Variants in UBOX5 observed in about 807,000 individuals in gnomAD.
UBOX5 encodes RING finger protein 37.
A neutral mutation model predicts 39.0 loss-of-function variants in UBOX5; 28 were observed. That is an observed-to-expected ratio of 0.72 (90% CI 0.53 to 0.98). UBOX5 has a LOEUF of 0.98. Among genes scored for constraint, UBOX5 ranks in the 50% least tolerant of loss-of-function variants. The pLI, the probability that UBOX5 is intolerant of heterozygous loss-of-function variation, is 0.00. For synonymous variants in UBOX5, 283 were observed against 275.5 expected (o/e 1.03, Z -0.27); for missense variants, 585 against 674.4 (o/e 0.87, Z 1.47).
chr20:3,110,379 G>GCCCCTCAGAGC, intron 4 of UBOX5, 65 bp from the exon 5 acceptor site: 2 of 1,571,276 alleles, frequency 1.3e-6, no homozygotes, highest in Non-Finnish European at 1.7e-6. Context: ...AGGCTGCTCT[G>GCCCCTCAGAGC]AGGGGCAGAG....
chr20:3,133,485 A>G (rs891277028), intron 1 of UBOX5, among the ~76,000 whole-genome samples: 2 of 152,178 alleles, frequency 1.3e-5, no homozygotes, highest in Non-Finnish European at 2.9e-5. Context: ...ATTGTGGCTA[A>G]TGTGCCCTGC....
At position 3,121,558 on chromosome 20, in the gene UBOX5, A is replaced by G. The variant is rs776893316; in HGVS notation, c.1081T>C (p.Ser361Pro). The stretch of plus-strand genomic sequence containing the variant: ...GCCTGCTCTATCTTCCTTTTCTGAG[A>G]GGGCAGAACAATGGAAGAAGGGATC... Reference protein sequence around the residue: ...AVIPSSIVLPSQKRKIEQAEH... With the variant: ...AVIPSSIVLPPQKRKIEQAEH... Residue 361 changes from serine (S) to proline (P), a missense_variant, in exon 3 of 5, where the codon TCT (serine) becomes CCT (proline). Transcript: ENST00000217173. The G allele has an allele frequency of 6.2e-7, 1 of 1,609,078 alleles. No individual in the cohort carries two copies. The highest frequency in any genetic ancestry group is 1.1e-5 in the South Asian group (1 of 90,510).
At chr20:3,117,668 A>C (rs2148590499) in intron 3 of UBOX5, among the ~76,000 whole-genome samples, 1 of 152,250 alleles carries the variant, frequency 6.6e-6, no homozygotes, top group Non-Finnish European at 1.5e-5. Flanking sequence ...CGGGCGACAG[A>C]GCGAGACTCC....
At chr20:3,148,141 T>C in intron 1 of UBOX5, 1 of 1,613,842 alleles carries the variant, frequency 6.2e-7, no homozygotes, top group Non-Finnish European at 8.5e-7. Context: ...TGATCAAATC[T>C]ATATATTTAA....
chr20:3,114,778 C>G (rs541211280), intron 4 of UBOX5, among the ~76,000 whole-genome samples: 3 of 152,166 alleles, frequency 2.0e-5, no homozygotes, highest in African/African-American at 7.2e-5. Flanking sequence ...GAAACCCCGT[C>G]TCTACTAAAA....
chr20:3,115,599 T>C, intron 3 of UBOX5, 133 bp from the exon 4 acceptor site: 1 of 1,029,302 alleles, frequency 9.7e-7, no homozygotes, highest in Non-Finnish European at 1.3e-6. Context: ...CATCCTAATG[T>C]CTACTGGCGG....
At chr20:3,147,093 T>A in intron 1 of UBOX5, 1 of 1,614,120 alleles carries the variant, frequency 6.2e-7, no homozygotes, top group Middle Eastern at 1.6e-4. Context: ...ACAGCTGCCT[T>A]ATTCTCCAAC....
intron 3 of UBOX5, 124 bp from the exon 4 acceptor site, chr20:3,115,590 A>G (rs1328046459): frequency 9.2e-7 from 1 of 1,085,850 alleles, no homozygotes; most frequent in East Asian, 2.9e-5. Context: ...ATGAAACTCC[A>G]TCCTAATGTC....
chr20:3,139,477 C>T (rs574504577), intron 1 of UBOX5, among the ~76,000 whole-genome samples: 1 of 151,764 alleles, frequency 6.6e-6, no homozygotes, highest in Non-Finnish European at 1.5e-5. Flanking sequence ...GCAACCTCCC[C>T]GTCGTGGGTT....
In UBOX5 at chr20:3,121,803, G is replaced by A. The variant is rs1219213543; in HGVS notation, c.836C>T (p.Pro279Leu). The A allele has an allele frequency of 6.2e-7, 1 of 1,614,156 alleles. No homozygotes were observed. ...LEIMPCPMLLPSGKVIDQSTL... is the reference protein window; with the variant it reads ...LEIMPCPMLLLSGKVIDQSTL... ...GCTCTGGTCGATGACCTTGCCTGAG[G>A]GCAGCAGCATGGGACAAGGCATGAT... Residue 279 changes from proline (P) to leucine (L), a missense_variant, in exon 3 of 5, where the codon CCC (proline) becomes CTC (leucine). Transcript: ENST00000217173.
At chr20:3,142,917 G>A (rs2066530049) in intron 1 of UBOX5, among the ~76,000 whole-genome samples, 1 of 150,812 alleles carries the variant, frequency 6.6e-6, no homozygotes, top group African/African-American at 2.4e-5. Context: ...GTTCCAACCA[G>A]AGCAATAAGG....
At chr20:3,154,567 T>C (rs930397865) in intron 1 of UBOX5, among the ~76,000 whole-genome samples, 2 of 152,042 alleles carry the variant, frequency 1.3e-5, no homozygotes, top group Admixed American at 1.3e-4. Context: ...CCTGTGGTCC[T>C]AGCTACTCAG....
rs1182525019 is a variant in UBOX5 at position 3,108,703 on chromosome 20, T to C, written c.*1403A>G. On this transcript the variant is annotated 3_prime_UTR_variant, in exon 5 of 5. Transcript: ENST00000217173. ...GCTCATGCCTGCAATCCAAGCACTTTGGGAGGATCGCTTGAGCCCAGGAGT... is the reference window on the plus strand; with the variant it reads ...GCTCATGCCTGCAATCCAAGCACTTCGGGAGGATCGCTTGAGCCCAGGAGT... 7.0e-6 allele frequency: 1 copy of C among 142,782 alleles called. No individual in the cohort carries two copies. The highest frequency in any genetic ancestry group is 1.6e-5 in the Non-Finnish European group (1 of 61,564). The allele number at this position is 142,782 out of a possible 1,614,324, so 8.8% of individuals were successfully genotyped here.
At chr20:3,128,610 C>T (rs991004159) in intron 1 of UBOX5, among the ~76,000 whole-genome samples, 2 of 152,124 alleles carry the variant, frequency 1.3e-5, no homozygotes, top group Admixed American at 1.3e-4. Context: ...ACCTATAATC[C>T]GAACACTTTA....
intron 1 of UBOX5, chr20:3,148,999 T>G: frequency 1.9e-6 from 3 of 1,614,196 alleles, no homozygotes; most frequent in Non-Finnish European, 2.5e-6. Flanking sequence ...CACTTCGGAC[T>G]GCACCAAAGG....
chr20:3,133,940 A>T (rs2066449870), intron 1 of UBOX5, among the ~76,000 whole-genome samples: 1 of 151,978 alleles, frequency 6.6e-6, no homozygotes, highest in Non-Finnish European at 1.5e-5. Flanking sequence ...TTTTTTGGGT[A>T]GAGATGGGGT....
intron 3 of UBOX5, among the ~76,000 whole-genome samples, chr20:3,117,798 C>G (rs2066304777): frequency 6.6e-6 from 1 of 151,986 alleles, no homozygotes; most frequent in South Asian, 2.1e-4. Flanking sequence ...TCAAGACCAG[C>G]CTGGCCAACA....
chr20:3,141,992 AAC>A (rs1321577511), intron 1 of UBOX5, among the ~76,000 whole-genome samples: 1 of 151,518 alleles, frequency 6.6e-6, no homozygotes, highest in African/African-American at 2.4e-5. Flanking sequence ...CAGCCTGGGC[AAC>A]AGAGTGAGAC....
chr20:3,152,100 CAAAAA>C (rs60655157), intron 1 of UBOX5, among the ~76,000 whole-genome samples: 1 of 62,882 alleles, frequency 1.6e-5, no homozygotes, highest in Non-Finnish European at 3.4e-5. Flanking sequence ...GACTCTGTCT[CAAAAA>C]AAAAAAAAAA....
Sources: allele counts gnomAD v4.1 joint callset (sites outside exome capture counted in the v4.1 genomes callset), GRCh38; gene constraint gnomAD v4.1.1; transcripts MANE v1.5; gene names NCBI Gene and HGNC (gene_info 2026-07-23, HGNC 2026-07-21).